The following ZC3H12B variants were observed in gnomAD, a reference collection of about 807,000 sequenced individuals.
The protein encoded by ZC3H12B is zinc finger CCCH-type containing 12B, also known as probable ribonuclease ZC3H12B.
Under a neutral mutation model 43.9 loss-of-function variants are expected in ZC3H12B, and 7 were observed. That is an observed-to-expected ratio of 0.16 (90% CI 0.09 to 0.30). The LOEUF (loss-of-function observed/expected upper bound fraction) is 0.30, where lower values mean the gene tolerates loss of function less well. Among genes scored for constraint, ZC3H12B ranks in the 10% least tolerant of loss-of-function variants. The probability of loss-of-function intolerance (pLI) is 1.00; values close to 1 mark genes in which losing one functional copy is unlikely to be tolerated. For missense variants in ZC3H12B, 475 were observed against 670.2 expected, an observed-to-expected ratio of 0.71 and a Z score of 3.22; for synonymous variants, 222 against 241.7, an observed-to-expected ratio of 0.92 and a Z score of 0.76.
chrX:65,439,066 GCA>G (rs928755386), intron 3 of ZC3H12B, among the ~76,000 whole-genome samples: 6 of 112,533 alleles, frequency 5.3e-5, no homozygotes, highest in African/African-American at 1.6e-4. Flanking sequence ...GAGATTAAAA[GCA>G]CAGTCATTGA....
intron 3 of ZC3H12B, among the ~76,000 whole-genome samples, chrX:65,446,608 G>A (rs1235413650): frequency 1.8e-5 from 2 of 111,910 alleles, no homozygotes; most frequent in African/African-American, 6.5e-5. Flanking sequence ...TCTGTCCTGT[G>A]TTGCTTTCCG....
At chrX:65,189,874 T>C in the ZC3H12B span, among the ~76,000 whole-genome samples, 1 of 109,431 alleles carries the variant, frequency 9.1e-6, no homozygotes. Context: ...TCCTTGCCCA[T>C]GCCTATGTCC....
intron 3 of ZC3H12B, among the ~76,000 whole-genome samples, chrX:65,425,185 C>A (rs1602417713): frequency 9.0e-6 from 1 of 111,493 alleles, no homozygotes. Flanking sequence ...CCTTCACTTC[C>A]TTTGTTAGCT....
At chrX:65,311,624 C>T in the ZC3H12B span, among the ~76,000 whole-genome samples, 1 of 111,620 alleles carries the variant, frequency 9.0e-6, no homozygotes, top group South Asian at 3.8e-4. Context: ...TACCATTTGA[C>T]CCAGCGATCC....
chrX:65,217,593 G>T, the ZC3H12B span, among the ~76,000 whole-genome samples: 1 of 112,035 alleles, frequency 8.9e-6, no homozygotes, highest in Non-Finnish European at 1.9e-5. Context: ...AATTCAATCA[G>T]ATAAATTTAA....
the ZC3H12B span, among the ~76,000 whole-genome samples, chrX:65,074,239 T>C: frequency 9.1e-6 from 1 of 110,151 alleles, no homozygotes; most frequent in South Asian, 3.8e-4. Flanking sequence ...AGAAAGACAG[T>C]TTTTCTGGAT....
chrX:65,188,329 G>C, the ZC3H12B span, among the ~76,000 whole-genome samples: 2 of 107,573 alleles, frequency 1.9e-5, no homozygotes, highest in Non-Finnish European at 3.8e-5. Context: ...ATACCTAGCA[G>C]TGACATTGCT....
chrX:65,129,272 TACA>T, the ZC3H12B span, among the ~76,000 whole-genome samples: 1 of 92,551 alleles, frequency 1.1e-5, no homozygotes, highest in African/African-American at 6.2e-5. Flanking sequence ...TATATATATA[TACA>T]TATATACACA....
intron 3 of ZC3H12B, among the ~76,000 whole-genome samples, chrX:65,413,653 A>G (rs2066929119): frequency 8.9e-6 from 1 of 112,438 alleles, no homozygotes; most frequent in African/African-American, 3.2e-5. Context: ...TTAGTTTTAT[A>G]TGGTACCACG....
the ZC3H12B span, among the ~76,000 whole-genome samples, chrX:65,213,359 G>A: frequency 0.15 from 16,534 of 110,247 alleles, 2,980 homozygotes; most frequent in African/African-American, 0.51. Flanking sequence ...TATTGCAAGT[G>A]AAATTATCTT....
chrX:65,474,335 C>G (rs1455173213), intron 3 of ZC3H12B, among the ~76,000 whole-genome samples: 1 of 111,184 alleles, frequency 9.0e-6, no homozygotes, highest in Non-Finnish European at 1.9e-5. Flanking sequence ...CACCCCTTCA[C>G]TTCTCAGCTT....
intron 3 of ZC3H12B, among the ~76,000 whole-genome samples, chrX:65,431,935 T>C (rs2067166177): frequency 8.9e-6 from 1 of 112,271 alleles, no homozygotes; most frequent in Non-Finnish European, 1.9e-5. Context: ...TGGGCTGTTA[T>C]GCTGCAGCTG....
At chrX:65,327,659 C>T in the ZC3H12B span, among the ~76,000 whole-genome samples, 1 of 111,099 alleles carries the variant, frequency 9.0e-6, no homozygotes, top group African/African-American at 3.3e-5. Flanking sequence ...TATAGGATTA[C>T]CAGGTATTAT....
chrX:65,036,581 T>C, the ZC3H12B span, among the ~76,000 whole-genome samples: 11 of 111,250 alleles, frequency 9.9e-5, no homozygotes, highest in South Asian at 3.8e-4. Flanking sequence ...TGAGGTTCTT[T>C]GGGGGTATAG....
intron 4 of ZC3H12B, among the ~76,000 whole-genome samples, 197 bp from the exon 10 acceptor site, chrX:65,501,592 T>C (rs1420668983): frequency 1.8e-5 from 2 of 111,125 alleles, no homozygotes; most frequent in African/African-American, 6.5e-5. Flanking sequence ...CTCCATAGCT[T>C]TCCACTTTCT....
At chrX:65,238,680 G>A in the ZC3H12B span, among the ~76,000 whole-genome samples, 9 of 111,245 alleles carry the variant, frequency 8.1e-5, no homozygotes, top group African/African-American at 2.9e-4. Context: ...TGTAATGTTA[G>A]GTTATTAATT....
At chrX:65,106,302 G>T in the ZC3H12B span, among the ~76,000 whole-genome samples, 1 of 112,089 alleles carries the variant, frequency 8.9e-6, no homozygotes, top group Admixed American at 9.5e-5. Flanking sequence ...TAATGAATTA[G>T]ATAAGTAGAG....
chrX:65,200,547 C>A, the ZC3H12B span, among the ~76,000 whole-genome samples: 1 of 106,145 alleles, frequency 9.4e-6, no homozygotes. Context: ...ATTCTCCTAC[C>A]TCAGCCTCCT....
intron 3 of ZC3H12B, among the ~76,000 whole-genome samples, chrX:65,458,081 AAAT>A (rs2067659601): frequency 1.1e-5 from 1 of 90,560 alleles, no homozygotes; most frequent in Admixed American, 1.1e-4. Context: ...AAAAAAAAAA[AAAT>A]TAAAAAAAAA....
Sources: gnomAD v4.1 joint callset for allele counts (sites outside exome capture counted in the v4.1 genomes callset) on GRCh38, gnomAD v4.1.1 for gene constraint, MANE v1.5 for transcripts, NCBI Gene and HGNC (gene_info 2026-07-23, HGNC 2026-07-21) for gene names.